PPP1R21: variants seen among roughly 807,000 people sequenced by gnomAD.
PPP1R21 encodes KLRAQ motif containing 1.
PPP1R21 carries 85 observed loss-of-function variants against 112.8 expected under a neutral mutation model. The ratio of observed to expected loss-of-function variants is 0.75; its 90% CI spans 0.63 to 0.90. The LOEUF (loss-of-function observed/expected upper bound fraction) is 0.90, where lower values mean the gene tolerates loss of function less well. Ranked by LOEUF, PPP1R21 falls within the 40% of genes least tolerant of loss-of-function variation. PPP1R21 has a pLI of 0.00. For synonymous variants in PPP1R21, 381 were observed against 322.3 expected (o/e 1.18, Z -1.95); for missense variants, 1,199 against 901.5 (o/e 1.33, Z -4.23).
intron 17 of PPP1R21, among the ~76,000 whole-genome samples, chr2:48,503,249 GT>G (rs1235899902): frequency 2.6e-5 from 4 of 151,916 alleles, no homozygotes; most frequent in Non-Finnish European, 2.9e-5. Flanking sequence ...CAATGTTATC[GT>G]TTTTTTCTAC....
rs1669158443 is a variant in PPP1R21, at chr2:48,484,009, G to A, written c.1319-2622G>A. Among the ~76,000 whole-genome samples, 3 of 151,942 alleles carry A rather than the reference G, an allele frequency of 2.0e-5. No individual in the cohort carries two copies. In the South Asian group the frequency reaches 6.2e-4, roughly 32 times the overall value. ...AGCCTAATGTATTACTCTTTATATA[G>A]GAATACCTATTCACTGTAAGATTCC... On this transcript the variant is annotated intron_variant, in intron 13 of 21. Coordinates refer to ENST00000294952, the MANE Select transcript of PPP1R21 (RefSeq NM_001135629.3).
At chr2:48,443,564 T>C (rs187358548) in intron 1 of PPP1R21, among the ~76,000 whole-genome samples, 16 of 152,282 alleles carry the variant, frequency 1.1e-4, no homozygotes, top group Middle Eastern at 3.4e-3. Flanking sequence ...GAAGAGATGC[T>C]AAGGAGACTG....
chr2:48,485,818 A>G (rs961112843), intron 13 of PPP1R21, among the ~76,000 whole-genome samples: 1 of 150,058 alleles, frequency 6.7e-6, no homozygotes, highest in African/African-American at 2.4e-5. Flanking sequence ...AATTGCTATA[A>G]AAATTTTCAT....
At chr2:48,483,298 C>T (rs1316869606) in intron 13 of PPP1R21, among the ~76,000 whole-genome samples, 1 of 141,990 alleles carries the variant, frequency 7.0e-6, no homozygotes, top group Non-Finnish European at 1.5e-5. Flanking sequence ...TCTCCTGCCT[C>T]AGCCTCCTGA....
chr2:48,447,729 A>C (rs1667309325), intron 1 of PPP1R21, among the ~76,000 whole-genome samples: 1 of 152,110 alleles, frequency 6.6e-6, no homozygotes, highest in African/African-American at 2.4e-5. Context: ...TGGGCAGATC[A>C]CTTGAGGTCA....
intron 17 of PPP1R21, 31 bp from the exon 18 acceptor site, chr2:48,505,533 G>T (rs1390449384): frequency 6.6e-7 from 1 of 1,514,474 alleles, no homozygotes; most frequent in East Asian, 2.5e-5. Flanking sequence ...TACACATTCT[G>T]TTCTAAAAGA....
chr2:48,495,680 C>T lies in PPP1R21; in HGVS notation c.1601C>T (p.Pro534Leu). The change falls in exon 16 of 22, where the codon CCC (proline) becomes CTC (leucine). Residue 534 changes from proline (P) to leucine (L), a missense_variant and splice_region_variant. Physicochemically the swap from Pro to Leu is moderately conservative, Grantham distance 98. Coordinates refer to ENST00000294952, the MANE Select transcript of PPP1R21 (RefSeq NM_001135629.3). ...ATTCTTATGATGCTTTTATCATAGCCCCTCTTGGAGTCTGTGCCTTATGAA... is the reference window on the plus strand; with the variant it reads ...ATTCTTATGATGCTTTTATCATAGCTCCTCTTGGAGTCTGTGCCTTATGAA... ...AAAYMKSLRK[P>L]LLESVPYEEA... The T allele has an allele frequency of 1.3e-6, 2 of 1,579,276 alleles. No homozygotes were observed. Among genetic ancestry groups the T allele is most frequent in the Non-Finnish European group, 1.7e-6 (2 of 1,149,088 alleles).
At chr2:48,463,011 C>T (rs1668042771) in intron 7 of PPP1R21, among the ~76,000 whole-genome samples, 1 of 152,156 alleles carries the variant, frequency 6.6e-6, no homozygotes, top group African/African-American at 2.4e-5. Flanking sequence ...AAGAGGTAGA[C>T]AGGAGCAGGT....
Position 48,505,577 on chromosome 2 carries a change from C to G in PPP1R21, c.1949C>G (p.Thr650Ser), listed in dbSNP as rs1327306625. ...IQSTSLIGTLTRTSDSEVPDV... is the reference protein window; with the variant it reads ...IQSTSLIGTLSRTSDSEVPDV... Reference sequence around the variant, plus strand: ...CTTATGTTCTAGATTGGGACTTTAACCAGGACATCTGACAGTGAGGTAACA... The same window carrying G: ...CTTATGTTCTAGATTGGGACTTTAAGCAGGACATCTGACAGTGAGGTAACA... The change falls in exon 18 of 22, where the codon ACC becomes AGC. Residue 650 changes from threonine to serine, a missense_variant. Coordinates refer to ENST00000294952, the MANE Select transcript of PPP1R21 (RefSeq NM_001135629.3). 1.4e-5 allele frequency: 22 copies of G among 1,550,352 alleles called. No homozygotes were observed. The South Asian group carries it at 1.8e-4, about 13-fold the overall frequency.
At chr2:48,448,609 A>C (rs543915016) in intron 1 of PPP1R21, among the ~76,000 whole-genome samples, 426 of 25,998 alleles carry the variant, frequency 0.016, 2 homozygotes, top group African/African-American at 0.051. Context: ...CTTTAGATTT[A>C]TAAAATAAAA....
intron 19 of PPP1R21, among the ~76,000 whole-genome samples, chr2:48,509,077 T>C (rs1351476755): frequency 6.6e-6 from 1 of 152,138 alleles, no homozygotes; most frequent in East Asian, 1.9e-4. Context: ...TCATACCCTC[T>C]TTGAACAATA....
intron 16 of PPP1R21, among the ~76,000 whole-genome samples, chr2:48,496,941 C>A (rs924089415): frequency 6.6e-6 from 1 of 152,232 alleles, no homozygotes; most frequent in Admixed American, 6.5e-5. Flanking sequence ...GTCTGCACCC[C>A]TTCCTCTGCT....
chr2:48,458,298 C>T, intron 4 of PPP1R21, 71 bp downstream of exon 4: 5 of 955,362 alleles, frequency 5.2e-6, no homozygotes, highest in Non-Finnish European at 8.4e-6. Flanking sequence ...AAAGCTAATG[C>T]ACATAGAGTG....
chr2:48,453,836 T>C (rs751959513), intron 2 of PPP1R21, among the ~76,000 whole-genome samples: 3 of 152,254 alleles, frequency 2.0e-5, no homozygotes, highest in Non-Finnish European at 2.9e-5. Flanking sequence ...AACAATTAAG[T>C]GTGTTGCAGA....
intron 21 of PPP1R21, among the ~76,000 whole-genome samples, chr2:48,514,107 CTTG>C (rs59251862): frequency 0.84 from 109,041 of 129,806 alleles, 46,480 homozygotes; most frequent in African/African-American, 0.95. Context: ...GAGACAGAGT[CTTG>C]TTGCTCCATC....
intron 14 of PPP1R21, among the ~76,000 whole-genome samples, chr2:48,487,023 G>A (rs1054084181): frequency 3.3e-5 from 5 of 152,190 alleles, no homozygotes; most frequent in African/African-American, 1.2e-4. Flanking sequence ...ATGGGCACAT[G>A]CACTGCATGC....
intron 9 of PPP1R21, among the ~76,000 whole-genome samples, chr2:48,466,847 G>C (rs1254132458): frequency 6.6e-6 from 1 of 152,098 alleles, no homozygotes; most frequent in South Asian, 2.1e-4. Flanking sequence ...GTCCTCAGAA[G>C]GGGAGGTATG....
In PPP1R21 at chr2:48,458,152, G is replaced by A. The variant is rs753658114; in HGVS notation, c.300G>A (p.Leu100=). 3 of 1,611,666 alleles carry A rather than the reference G, an allele frequency of 1.9e-6. No individual in the cohort carries two copies. Among genetic ancestry groups the A allele is most frequent in the South Asian group, 2.2e-5 (2 of 90,954 alleles). The part of the protein sequence containing the change: ...NKKSGESSSQ[L]SQEQKSVFDE... Reference sequence around the variant, plus strand: ...AAAGTGGAGAATCTTCTTCTCAGTTGAGTCAAGAGCAGAAGAGTGTCTTTG... The same window carrying A: ...AAAGTGGAGAATCTTCTTCTCAGTTAAGTCAAGAGCAGAAGAGTGTCTTTG... The change falls in exon 4 of 22, where the codon TTG becomes TTA. Residue 100 remains leucine, a synonymous_variant. Transcript: ENST00000294952.
chr2:48,445,252 A>T (rs1412508684), intron 1 of PPP1R21, among the ~76,000 whole-genome samples: 1 of 151,814 alleles, frequency 6.6e-6, no homozygotes, highest in Non-Finnish European at 1.5e-5. Context: ...GAGAATGAAA[A>T]TGTTCTGTAT....
Sources: allele counts gnomAD v4.1 joint callset (sites outside exome capture counted in the v4.1 genomes callset), GRCh38; gene constraint gnomAD v4.1.1; transcripts MANE v1.5; gene names NCBI Gene and HGNC (gene_info 2026-07-23, HGNC 2026-07-21).